The following CALCR variants were observed in gnomAD, a reference collection of about 807,000 sequenced individuals.
The protein encoded by CALCR is calcitonin receptor.
Under a neutral mutation model 59.5 loss-of-function variants are expected in CALCR, and 47 were observed. The ratio of observed to expected loss-of-function variants is 0.79; its 90% CI spans 0.63 to 1.01. The LOEUF (loss-of-function observed/expected upper bound fraction) is 1.01, where lower values mean the gene tolerates loss of function less well. Among genes scored for constraint, CALCR ranks in the 50% least tolerant of loss-of-function variants. The pLI is 0.00. For synonymous variants in CALCR, 213 were observed against 211.3 expected (o/e 1.01, Z -0.07); for missense variants, 566 against 597.1 (o/e 0.95, Z 0.54).
Position 93,441,602 on chromosome 7 carries a change from T to G in CALCR, c.802+2002A>C, listed in dbSNP as rs1799906368. 1.8e-5 allele frequency: 8 copies of G among 450,374 alleles called. No homozygotes were observed. In the Admixed American group the frequency reaches 1.9e-4, roughly 11 times the overall value. The allele number at this position is 450,374 out of a possible 1,614,324, so 27.9% of individuals were successfully genotyped here. ...AGACCATTTTGAGTAAATTTTGACC[T>G]GTTTTAGGACAGGAAAGAGCAGGAG... is the stretch of plus-strand genomic sequence containing the variant. On this transcript the variant is annotated intron_variant, in intron 9 of 13. Coordinates refer to ENST00000426151, the MANE Select transcript of CALCR (RefSeq NM_001742.4).
chr7:93,556,270 C>A (rs887895057), intron 2 of CALCR, among the ~76,000 whole-genome samples: 1 of 152,138 alleles, frequency 6.6e-6, no homozygotes, highest in African/African-American at 2.4e-5. Flanking sequence ...CTAAAGGGCA[C>A]TGATATTCTT....
chr7:93,567,873 C>T lies in CALCR; in HGVS notation c.-27+6416G>A, dbSNP rs564167943. Among the ~76,000 whole-genome samples, 3 of 152,238 alleles carry T rather than the reference C, an allele frequency of 2.0e-5. No homozygotes were observed. The East Asian group carries it at 5.8e-4, about 29-fold the overall frequency. On this transcript the variant is annotated intron_variant, in intron 2 of 13. Coordinates refer to ENST00000426151, the MANE Select transcript of CALCR (RefSeq NM_001742.4). ...GTCCCTGCAAAGGACATGAACTCAT[C>T]CTGCTCTATGCAACTTTTAAGTACA... is the stretch of plus-strand genomic sequence containing the variant.
At chr7:93,553,993 A>G (rs1489739154) in intron 2 of CALCR, among the ~76,000 whole-genome samples, 1 of 152,160 alleles carries the variant, frequency 6.6e-6, no homozygotes, top group Non-Finnish European at 1.5e-5. Context: ...GACAAATGAA[A>G]AGAAACCTAT....
intron 2 of CALCR, among the ~76,000 whole-genome samples, chr7:93,540,077 T>C (rs12704677): frequency 0.37 from 56,481 of 152,098 alleles, 11,578 homozygotes; most frequent in Non-Finnish European, 0.47. Context: ...TTCTGTTCGC[T>C]GCCCTAGGAT....
intron 2 of CALCR, among the ~76,000 whole-genome samples, chr7:93,510,648 G>A (rs907176802): frequency 1.3e-5 from 2 of 152,094 alleles, no homozygotes; most frequent in African/African-American, 2.4e-5. Flanking sequence ...TGGGAGAATT[G>A]CTTGAGGCCA....
chr7:93,528,070 A>G (rs1443012087), intron 2 of CALCR, among the ~76,000 whole-genome samples: 1 of 152,172 alleles, frequency 6.6e-6, no homozygotes, highest in African/African-American at 2.4e-5. Flanking sequence ...AGAGTCTAAA[A>G]CTGCTCAGAA....
At chr7:93,532,982 TGAG>T (rs1186521786) in intron 2 of CALCR, among the ~76,000 whole-genome samples, 2 of 151,780 alleles carry the variant, frequency 1.3e-5, no homozygotes, top group Admixed American at 1.3e-4. Flanking sequence ...GAAACACATT[TGAG>T]GGATTAAAGA....
chr7:93,482,541 C>T, intron 3 of CALCR, among the ~76,000 whole-genome samples: 1 of 151,790 alleles, frequency 6.6e-6, no homozygotes, highest in East Asian at 2.0e-4. Flanking sequence ...TCTGAATTCT[C>T]TTTTTATATG....
chr7:93,534,444 A>G (rs963420734), intron 2 of CALCR, among the ~76,000 whole-genome samples: 14 of 151,764 alleles, frequency 9.2e-5, no homozygotes, highest in African/African-American at 3.1e-4. Context: ...TCACGAGTGC[A>G]TAGAATTGCT....
rs189114964 is a variant in CALCR, at chr7:93,495,848, G to C, written c.-26-8841C>G. 2.0e-4 allele frequency: 285 copies of C among 1,426,326 alleles called. 1 individual carries two copies. The African/African-American group carries it at 3.9e-3, about 19-fold the overall frequency. 88.4% of individuals were successfully genotyped at this position (1,426,326 alleles called of 1,614,324 possible). ...TGAAGAAACCATTGTAAGAGGTTCA[G>C]TTACTGGTGGGACAACCGAATCTAT... On this transcript the variant is annotated intron_variant, in intron 2 of 13. Transcript: ENST00000426151.
chr7:93,434,792 C>G (rs1046530451), intron 12 of CALCR, among the ~76,000 whole-genome samples: 1 of 152,158 alleles, frequency 6.6e-6, no homozygotes. Context: ...CTGCCTGAGT[C>G]CTGGTCACTG....
rs1169530356 is a variant in CALCR at position 93,477,637 on chromosome 7, C to G, written c.237G>C (p.Trp79Cys). Reference sequence around the variant, plus strand: ...CAGCCGGTGTGTCATCCCAGCACAGCCATCCATCCCAGGTGCGATTGCAAT... The same window carrying G: ...CAGCCGGTGTGTCATCCCAGCACAGGCATCCATCCCAGGTGCGATTGCAAT... Reference protein sequence around the residue: ...GPYCNRTWDGWLCWDDTPAGV... With the variant: ...GPYCNRTWDGCLCWDDTPAGV... Residue 79 changes from tryptophan (W) to cysteine (C), a missense_variant, in exon 5 of 14, where the codon TGG (tryptophan) becomes TGC (cysteine). Transcript: ENST00000426151. 3.1e-6 allele frequency: 5 copies of G among 1,610,994 alleles called. No individual in the cohort carries two copies. Among genetic ancestry groups the G allele is most frequent in the Non-Finnish European group, 4.2e-6 (5 of 1,178,190 alleles).
chr7:93,516,395 T>G (rs1471736606), intron 2 of CALCR, among the ~76,000 whole-genome samples: 11 of 151,894 alleles, frequency 7.2e-5, no homozygotes, highest in South Asian at 2.1e-4. Flanking sequence ...TAATCATATG[T>G]GGATAAAGAT....
chr7:93,511,022 A>C, intron 2 of CALCR, among the ~76,000 whole-genome samples: 1 of 152,098 alleles, frequency 6.6e-6, no homozygotes, highest in Non-Finnish European at 1.5e-5. Context: ...GGTGACCTTG[A>C]ATTGAGAGCG....
chr7:93,482,116 C>T (rs916051822), intron 3 of CALCR, among the ~76,000 whole-genome samples: 2 of 151,744 alleles, frequency 1.3e-5, no homozygotes, highest in African/African-American at 4.8e-5. Flanking sequence ...AATTGGAACA[C>T]GATTTGCAAA....
At position 93,429,827 on chromosome 7, in the gene CALCR, T is replaced by G. The variant is rs538547758; in HGVS notation, c.1192-3238A>C. Among the ~76,000 whole-genome samples the G allele has an allele frequency of 5.4e-5, 8 of 149,202 alleles. No individual in the cohort carries two copies. The Admixed American group carries it at 5.4e-4, about 10-fold the overall frequency. ...ACAATCTAACAGACCTGCTGCAACC[T>G]GAGCTTGACATTTAAAAATCATGAT... On this transcript the variant is annotated intron_variant, in intron 13 of 13. Transcript: ENST00000426151.
intron 2 of CALCR, among the ~76,000 whole-genome samples, chr7:93,571,522 G>T (rs1554410270): frequency 6.6e-6 from 1 of 151,446 alleles, no homozygotes; most frequent in Non-Finnish European, 1.5e-5. Context: ...TACATTATGT[G>T]CCCAAATCAC....
In CALCR at chr7:93,505,054, G is replaced by C. The variant is rs148238717; in HGVS notation, c.-26-18047C>G. 8.2e-3 allele frequency among the ~76,000 whole-genome samples: 1,250 copies of C among 152,106 alleles called. 14 individuals carry two copies. The highest frequency in any genetic ancestry group is 0.011 in the Non-Finnish European group (729 of 68,016). On this transcript the variant is annotated intron_variant, in intron 2 of 13. Transcript: ENST00000426151. ...CACCTATACTATTTAATAAAAAGAA[G>C]TGTCAAGGAAGGTACCGGTTCTGAG...
chr7:93,488,332 T>C (rs1263112135), intron 2 of CALCR, among the ~76,000 whole-genome samples: 1 of 151,324 alleles, frequency 6.6e-6, no homozygotes, highest in Non-Finnish European at 1.5e-5. Flanking sequence ...AATGGCACTA[T>C]GTAGAAACTG....
Sources: allele counts gnomAD v4.1 joint callset (sites outside exome capture counted in the v4.1 genomes callset), GRCh38; gene constraint gnomAD v4.1.1; transcripts MANE v1.5; gene names NCBI Gene and HGNC (gene_info 2026-07-23, HGNC 2026-07-21).